The following CNTN6 variants were observed in gnomAD, a reference collection of about 807,000 sequenced individuals.
CNTN6 encodes the protein contactin-6.
A neutral mutation model predicts 122.8 loss-of-function variants in CNTN6; 137 were observed. The ratio of observed to expected loss-of-function variants is 1.12; its 90% CI spans 0.97 to 1.29. The LOEUF (loss-of-function observed/expected upper bound fraction) is 1.29, where lower values mean the gene tolerates loss of function less well. Among genes scored for constraint, CNTN6 ranks in the 50% most tolerant of loss-of-function variants. The pLI is 0.00. For missense variants in CNTN6, 1,634 were observed against 1,223.4 expected (o/e 1.34, Z -5.01); for synonymous variants, 570 against 426.0 (o/e 1.34, Z -4.16).
intron 2 of CNTN6, among the ~76,000 whole-genome samples, chr3:1,181,610 A>G (rs1399316106): frequency 2.0e-5 from 3 of 152,116 alleles, no homozygotes; most frequent in African/African-American, 4.8e-5. Context: ...ACTTGTGTGT[A>G]TGTGTGTCTC....
intron 5 of CNTN6, among the ~76,000 whole-genome samples, chr3:1,294,800 G>A (rs1244920507): frequency 6.6e-6 from 1 of 152,038 alleles, no homozygotes; most frequent in Non-Finnish European, 1.5e-5. Flanking sequence ...CTCCTTCTCT[G>A]GGCTCCCTAT....
intron 12 of CNTN6, among the ~76,000 whole-genome samples, chr3:1,367,435 G>C (rs537039284): frequency 6.6e-6 from 1 of 151,978 alleles, no homozygotes; most frequent in Non-Finnish European, 1.5e-5. Context: ...CAGTCACACA[G>C]AGCCCTGTGC....
chr3:1,117,183 A>G (rs961901319), intron 1 of CNTN6, among the ~76,000 whole-genome samples: 3 of 152,184 alleles, frequency 2.0e-5, no homozygotes, highest in Non-Finnish European at 4.4e-5. Flanking sequence ...GGCTTCTTAA[A>G]CACACGTGTG....
intron 20 of CNTN6, among the ~76,000 whole-genome samples, 197 bp downstream of exon 20, chr3:1,385,994 T>C (rs72997750): frequency 0.1 from 15,826 of 152,244 alleles, 1,137 homozygotes; most frequent in Middle Eastern, 0.15. Context: ...ATTTCTGGAA[T>C]TCCAAAAGAG....
chr3:1,243,228 G>C (rs2125618632), intron 4 of CNTN6, among the ~76,000 whole-genome samples: 1 of 152,286 alleles, frequency 6.6e-6, no homozygotes, highest in South Asian at 2.1e-4. Context: ...ATCCTGAGCT[G>C]CGGGCATTCC....
chr3:1,215,199 C>A (rs2094113369), intron 2 of CNTN6, among the ~76,000 whole-genome samples: 1 of 152,212 alleles, frequency 6.6e-6, no homozygotes, highest in Admixed American at 6.5e-5. Context: ...GGAACATGTT[C>A]TTTCCATTTA....
intron 20 of CNTN6, among the ~76,000 whole-genome samples, chr3:1,388,537 C>A (rs539014289): frequency 0.014 from 2,155 of 151,198 alleles, 32 homozygotes; most frequent in South Asian, 0.042. Flanking sequence ...CAGTTCCTCA[C>A]CAGCAACGGA....
chr3:1,402,225 G>C, intron 21 of CNTN6, 93 bp from the exon 22 acceptor site: 1 of 877,694 alleles, frequency 1.1e-6, no homozygotes, highest in Middle Eastern at 3.8e-4. Context: ...CATTTATGAT[G>C]ATGTATCTTA....
At chr3:1,217,525 G>T (rs1425350917) in intron 2 of CNTN6, among the ~76,000 whole-genome samples, 2 of 152,198 alleles carry the variant, frequency 1.3e-5, no homozygotes, top group Non-Finnish European at 2.9e-5. Flanking sequence ...ATTAACACAT[G>T]CTGGACCCAT....
At chr3:1,163,353 C>G (rs989135259) in intron 2 of CNTN6, among the ~76,000 whole-genome samples, 1 of 152,136 alleles carries the variant, frequency 6.6e-6, no homozygotes, top group Non-Finnish European at 1.5e-5. Context: ...GCTTATTAAA[C>G]TGCAGTGTTA....
At chr3:1,307,473 C>T (rs576202059) in intron 7 of CNTN6, among the ~76,000 whole-genome samples, 38 of 133,220 alleles carry the variant, frequency 2.9e-4, no homozygotes, top group African/African-American at 1.2e-3. Flanking sequence ...CCAATATAAC[C>T]CCCCCACACA....
chr3:1,369,958 A>C (rs1340076448), intron 12 of CNTN6, among the ~76,000 whole-genome samples: 1 of 152,092 alleles, frequency 6.6e-6, no homozygotes, highest in African/African-American at 2.4e-5. Flanking sequence ...TAAATTACAA[A>C]ACAATACAAG....
intron 2 of CNTN6, among the ~76,000 whole-genome samples, chr3:1,210,533 T>C (rs2094022243): frequency 6.6e-6 from 1 of 152,098 alleles, no homozygotes; most frequent in Non-Finnish European, 1.5e-5. Flanking sequence ...TTTGAAAAAC[T>C]AAGGTAGAAG....
intron 4 of CNTN6, among the ~76,000 whole-genome samples, chr3:1,256,169 T>A (rs1230226801): frequency 6.6e-6 from 1 of 152,134 alleles, no homozygotes; most frequent in African/African-American, 2.4e-5. Flanking sequence ...CCAAGCCTAT[T>A]ATAGAATGTA....
intron 1 of CNTN6, among the ~76,000 whole-genome samples, chr3:1,106,543 C>T (rs761924522): frequency 1.5e-4 from 23 of 151,890 alleles, no homozygotes; most frequent in South Asian, 8.3e-4. Context: ...CACACACACA[C>T]GCACAATCTC....
intron 2 of CNTN6, among the ~76,000 whole-genome samples, chr3:1,201,743 A>C (rs918653454): frequency 6.6e-6 from 1 of 152,204 alleles, no homozygotes; most frequent in Non-Finnish European, 1.5e-5. Flanking sequence ...CTTCATTTAG[A>C]CTTATCAGTC....
At chr3:1,282,110 T>C (rs1290542206) in intron 5 of CNTN6, among the ~76,000 whole-genome samples, 2 of 151,962 alleles carry the variant, frequency 1.3e-5, no homozygotes, top group African/African-American at 4.8e-5. Flanking sequence ...AACAGAAAAG[T>C]GTCTAGATGG....
rs975325692 is a variant in CNTN6 at position 1,096,621 on chromosome 3, A to G, written c.-83+3501A>G. Among the ~76,000 whole-genome samples the G allele has an allele frequency of 6.6e-5, 10 of 152,332 alleles. 2 individuals carry two copies. Among genetic ancestry groups the G allele is most frequent in the Admixed American group, 6.5e-4 (10 of 15,298 alleles). On this transcript the variant is annotated intron_variant, in intron 1 of 22. Transcript: ENST00000446702. ...GAATAGTATAGCTTGCAATAAACCT[A>G]TTAAGGCACAACCTTCTGTATTGTG...
chr3:1,324,820 A>C (rs2125983940), intron 8 of CNTN6, among the ~76,000 whole-genome samples: 1 of 149,870 alleles, frequency 6.7e-6, no homozygotes, highest in South Asian at 2.1e-4. Context: ...TTAGGGTTCA[A>C]ATTTTGGCTT....
Sources: allele counts gnomAD v4.1 joint callset (sites outside exome capture counted in the v4.1 genomes callset), GRCh38; gene constraint gnomAD v4.1.1; transcripts MANE v1.5; gene names NCBI Gene and HGNC (gene_info 2026-07-23, HGNC 2026-07-21).